ACTR2: variants seen among roughly 807,000 people sequenced by gnomAD.
ACTR2 encodes actin-related protein 2.
ACTR2 carries 5 observed loss-of-function variants against 50.2 expected under a neutral mutation model. The observed-to-expected ratio is 0.10, with a 90% confidence interval of 0.05 to 0.21. ACTR2 has a LOEUF of 0.21. ACTR2 is among the 10% of genes least tolerant of loss of function. The pLI is 1.00. For synonymous variants in ACTR2, 140 were observed against 162.9 expected (o/e 0.86, Z 1.07); for missense variants, 180 against 480.6 (o/e 0.37, Z 5.85).
intron 6 of ACTR2, among the ~76,000 whole-genome samples, chr2:65,257,340 A>G (rs1672169524): frequency 6.6e-6 from 1 of 152,170 alleles, no homozygotes; most frequent in Non-Finnish European, 1.5e-5. Flanking sequence ...TTCTTTATCC[A>G]GTCTAACGTT....
At position 65,230,911 on chromosome 2, in the gene ACTR2, G is replaced by A. The variant is rs1291123951; in HGVS notation, c.48+2954G>A. ...TCTACTAAAAATACAAAAATTAGCC[G>A]GGTGTGGTTTCTGATGCCTGAAATC... is the stretch of plus-strand genomic sequence containing the variant. On this transcript the variant is annotated intron_variant, in intron 1 of 8. Coordinates refer to ENST00000260641, the MANE Select transcript of ACTR2 (RefSeq NM_005722.4). Among the ~76,000 whole-genome samples, 4 of 152,042 alleles carry A rather than the reference G, an allele frequency of 2.6e-5. No individual in the cohort carries two copies. In the South Asian group the frequency reaches 6.2e-4, roughly 24 times the overall value.
intron 3 of ACTR2, among the ~76,000 whole-genome samples, chr2:65,249,920 G>A (rs747818795): frequency 3.9e-5 from 6 of 152,234 alleles, no homozygotes; most frequent in East Asian, 1.9e-4. Context: ...TGTCTTTGCC[G>A]TGGCATTTTA....
chr2:65,251,001 T>C (rs1342012454), intron 3 of ACTR2, 26 bp from the exon 4 acceptor site: 3 of 1,545,296 alleles, frequency 1.9e-6, no homozygotes, highest in African/African-American at 2.8e-5. Context: ...AAATACCAGT[T>C]TTTTTCTTTC....
chr2:65,240,444 T>C (rs1199450319), intron 2 of ACTR2, among the ~76,000 whole-genome samples: 1 of 152,158 alleles, frequency 6.6e-6, no homozygotes, highest in Non-Finnish European at 1.5e-5. Flanking sequence ...TGATTCCTCT[T>C]TTCATTAATA....
intron 1 of ACTR2, among the ~76,000 whole-genome samples, chr2:65,231,040 T>G (rs555374376): frequency 6.7e-6 from 1 of 149,404 alleles, no homozygotes; most frequent in Non-Finnish European, 1.5e-5. Flanking sequence ...GGCGACAGAG[T>G]GAGACTGTCA....
intron 1 of ACTR2, among the ~76,000 whole-genome samples, chr2:65,233,134 A>G (rs530741564): frequency 6.6e-6 from 1 of 152,076 alleles, no homozygotes; most frequent in African/African-American, 2.4e-5. Flanking sequence ...AGCTGGGATC[A>G]CAGGTGTGCA....
chr2:65,268,516 A>G lies in ACTR2; in HGVS notation c.1015-48A>G, dbSNP rs757539701. ...TAAAAAGCCATTTTCATAAAGCAGA[A>G]AGCACTGTGCACATGTACCATTTCA... On this transcript the variant is annotated intron_variant, in intron 8 of 8. Transcript: ENST00000260641. The G allele has an allele frequency of 2.0e-6, 3 of 1,538,448 alleles. No homozygotes were observed. The Admixed American group carries it at 6.1e-5, about 31-fold the overall frequency.
chr2:65,255,176 C>T (rs1672126354), intron 5 of ACTR2, among the ~76,000 whole-genome samples: 1 of 152,052 alleles, frequency 6.6e-6, no homozygotes, highest in African/African-American at 2.4e-5. Flanking sequence ...ATAAATATGG[C>T]ATTAATTGTG....
At chr2:65,253,221 C>G (rs1020664032) in intron 4 of ACTR2, among the ~76,000 whole-genome samples, 1 of 152,194 alleles carries the variant, frequency 6.6e-6, no homozygotes, top group African/African-American at 2.4e-5. Context: ...AGACAGATCA[C>G]TTGAGGCCAG....
intron 8 of ACTR2, among the ~76,000 whole-genome samples, chr2:65,265,715 T>C (rs1672357122): frequency 6.6e-6 from 1 of 152,228 alleles, no homozygotes; most frequent in African/African-American, 2.4e-5. Flanking sequence ...AAAGAAATTT[T>C]TAAACTAGAA....
rs924950647 is a variant in ACTR2, at chr2:65,246,808, C to T, written c.375+69C>T. The T allele has an allele frequency of 1.5e-5, 15 of 1,001,804 alleles. No individual in the cohort carries two copies. The African/African-American group carries it at 2.5e-4, about 16-fold the overall frequency. 62.1% of individuals were successfully genotyped at this position (1,001,804 alleles called of 1,614,324 possible). ...TTATGTTAAATCAAAAATTTTCTTACTGTTGCTATGGATAAAGAGAATAAA... is the reference window on the plus strand; with the variant it reads ...TTATGTTAAATCAAAAATTTTCTTATTGTTGCTATGGATAAAGAGAATAAA... On this transcript the variant is annotated intron_variant, in intron 3 of 8. Transcript: ENST00000260641.
intron 3 of ACTR2, among the ~76,000 whole-genome samples, chr2:65,248,378 C>T (rs987013840): frequency 1.3e-5 from 2 of 151,832 alleles, no homozygotes; most frequent in South Asian, 2.1e-4. Flanking sequence ...CCAGCCTGGG[C>T]GACAGGGTGA....
chr2:65,258,783 A>T (rs1573166242), intron 6 of ACTR2, among the ~76,000 whole-genome samples: 1 of 152,108 alleles, frequency 6.6e-6, no homozygotes, highest in South Asian at 2.1e-4. Flanking sequence ...AGAAAACTTG[A>T]CCCCATGCTG....
chr2:65,260,490 G>A (rs1038990567), intron 6 of ACTR2, among the ~76,000 whole-genome samples: 2 of 152,116 alleles, frequency 1.3e-5, no homozygotes, highest in Admixed American at 1.3e-4. Flanking sequence ...TGGGCGACAA[G>A]AGAAACTCTG....
chr2:65,245,710 A>G (rs1671924157), intron 2 of ACTR2, among the ~76,000 whole-genome samples: 1 of 152,208 alleles, frequency 6.6e-6, no homozygotes, highest in Non-Finnish European at 1.5e-5. Context: ...ATGCTAGGAC[A>G]TCCTTACTTA....
chr2:65,256,933 T>G (rs1253577676), intron 6 of ACTR2, among the ~76,000 whole-genome samples: 1 of 151,818 alleles, frequency 6.6e-6, no homozygotes, highest in Non-Finnish European at 1.5e-5. Context: ...AAACCCCCAT[T>G]TAAAATTTTT....
intron 1 of ACTR2, among the ~76,000 whole-genome samples, chr2:65,232,195 C>T (rs1368393547): frequency 6.6e-6 from 1 of 152,148 alleles, no homozygotes; most frequent in Admixed American, 6.5e-5. Flanking sequence ...CGAGCTAGGC[C>T]CAGGCCCCTG....
chr2:65,231,971 C>T (rs557037943), intron 1 of ACTR2, among the ~76,000 whole-genome samples: 13 of 152,344 alleles, frequency 8.5e-5, no homozygotes, highest in African/African-American at 2.6e-4. Context: ...TTTGTACTTA[C>T]GATCACATGA....
At chr2:65,260,729 CTTTT>C (rs34258160) in intron 6 of ACTR2, among the ~76,000 whole-genome samples, 1 of 132,146 alleles carries the variant, frequency 7.6e-6, no homozygotes, top group Admixed American at 7.7e-5. Context: ...CGTGGCATAC[CTTTT>C]TTTTTTTTTT....
Sources: gnomAD v4.1 joint callset for allele counts (sites outside exome capture counted in the v4.1 genomes callset) on GRCh38, gnomAD v4.1.1 for gene constraint, MANE v1.5 for transcripts, NCBI Gene and HGNC (gene_info 2026-07-23, HGNC 2026-07-21) for gene names.